The following CD40LG variants were observed in gnomAD, a reference collection of about 807,000 sequenced individuals.
CD40LG encodes CD40 antigen ligand.
CD40LG carries 1 observed loss-of-function variant against 17.2 expected under a neutral mutation model. The observed-to-expected ratio is 0.06, with a 90% CI of 0.02 to 0.28. The LOEUF (loss-of-function observed/expected upper bound fraction) is 0.28, where lower values mean the gene tolerates loss of function less well. Ranked by LOEUF, CD40LG falls within the 10% of genes least tolerant of loss-of-function variation. CD40LG has a pLI of 1.00. For missense variants in CD40LG, 133 were observed against 193.2 expected (o/e 0.69, Z 1.85); for synonymous variants, 66 against 74.4 (o/e 0.89, Z 0.58).
At chrX:136,652,121 G>C (rs936622926) in intron 2 of CD40LG, among the ~76,000 whole-genome samples, 1 of 110,689 alleles carries the variant, frequency 9.0e-6, no homozygotes, top group Non-Finnish European at 1.9e-5. Context: ...ATCTTCTCAG[G>C]CATGTCAGCC....
In CD40LG at chrX:136,659,171, G is replaced by A. The variant is rs11575982; in HGVS notation, c.542G>A (p.Arg181Gln). The change falls in exon 5 of 5, where the codon CGG becomes CAG. Residue 181 changes from arginine to glutamine, a missense_variant. By Grantham distance (43) the Arg-to-Gln change is conservative. Transcript: ENST00000370629. ...IYAQVTFCSN[R>Q]EASSQAPFIA... ...GCCCAAGTCACCTTCTGTTCCAATCGGGAAGCTTCGAGTCAAGCTCCATTT... is the reference window on the plus strand; with the variant it reads ...GCCCAAGTCACCTTCTGTTCCAATCAGGAAGCTTCGAGTCAAGCTCCATTT... The A allele has an allele frequency of 8.3e-4, 1,003 of 1,209,778 alleles. 6 individuals carry two copies. The South Asian group carries it at 0.015, about 18-fold the overall frequency.
At chrX:136,657,400 G>C (rs1179792825) in intron 4 of CD40LG, among the ~76,000 whole-genome samples, 2 of 111,583 alleles carry the variant, frequency 1.8e-5, no homozygotes, top group Non-Finnish European at 3.8e-5. Flanking sequence ...ACCACTGCTT[G>C]CTGGGTGACC....
chrX:136,658,302 C>A (rs1400705232), intron 4 of CD40LG, among the ~76,000 whole-genome samples: 1 of 112,149 alleles, frequency 8.9e-6, no homozygotes, highest in African/African-American at 3.2e-5. Context: ...GCACACACTA[C>A]TTTGAACCCA....
At chrX:136,656,556 T>C in intron 4 of CD40LG, 138 bp downstream of exon 4, 1 of 539,930 alleles carries the variant, frequency 1.9e-6, no homozygotes, top group South Asian at 2.5e-5. Context: ...TCCTATTCCC[T>C]TCTTTGTCTT....
At chrX:136,658,527 A>C (rs1163811184) in intron 4 of CD40LG, among the ~76,000 whole-genome samples, 2 of 111,978 alleles carry the variant, frequency 1.8e-5, no homozygotes, top group Non-Finnish European at 3.8e-5. Flanking sequence ...TCAGGTAGGA[A>C]GAAATGGGGT....
intron 4 of CD40LG, among the ~76,000 whole-genome samples, chrX:136,657,400 G>T (rs1179792825): frequency 3.6e-5 from 4 of 111,583 alleles, no homozygotes; most frequent in African/African-American, 6.5e-5. Flanking sequence ...ACCACTGCTT[G>T]CTGGGTGACC....
chrX:136,652,715 T>C (rs748953448), intron 2 of CD40LG, among the ~76,000 whole-genome samples: 1 of 111,402 alleles, frequency 9.0e-6, no homozygotes, highest in South Asian at 3.8e-4. Context: ...AATAGTATAA[T>C]TTCATATTAA....
chrX:136,650,350 T>A lies in CD40LG; in HGVS notation c.241T>A (p.Leu81Ile). 8.3e-7 allele frequency: 1 copy of A among 1,205,421 alleles called. No homozygotes were observed. Among genetic ancestry groups the A allele is most frequent in the Non-Finnish European group, 1.1e-6 (1 of 889,921 alleles). The change falls in exon 2 of 5, where the codon TTA becomes ATA. Residue 81 changes from leucine (L) to isoleucine (I), a missense_variant. Leu to Ile is a conservative substitution (Grantham distance 5). Coordinates refer to ENST00000370629, the MANE Select transcript of CD40LG (RefSeq NM_000074.3). ...RCNTGERSLSLLNCEEIKSQF... is the reference protein window; with the variant it reads ...RCNTGERSLSILNCEEIKSQF... Reference sequence around the variant, plus strand: ...CAACACAGGAGAAAGATCCTTATCCTTACTGAACTGTGAGGAGATTAAAAG... The same window carrying A: ...CAACACAGGAGAAAGATCCTTATCCATACTGAACTGTGAGGAGATTAAAAG...
rs1302017004 is a variant in CD40LG, at chrX:136,659,773, C to CATG, written c.*359_*361dup. 3 of 214,029 alleles carry CATG rather than the reference C, an allele frequency of 1.4e-5. No homozygotes were observed. Among genetic ancestry groups the CATG allele is most frequent in the African/African-American group, 8.8e-5 (3 of 33,928 alleles). The allele number at this position is 214,029 out of a possible 1,213,427, so 17.6% of individuals were successfully genotyped here. ...TGTTTCTTTGCGTGCAGTGTCTTTC[C>CATG]ATGGATAATGCATTTGATTTATCAG... On this transcript the variant is annotated 3_prime_UTR_variant, in exon 5 of 5. Transcript: ENST00000370629.
In CD40LG at chrX:136,648,184, C is replaced by A; in HGVS notation, c.-65C>A. On this transcript the variant is annotated 5_prime_UTR_variant, in exon 1 of 5. Coordinates refer to ENST00000370629, the MANE Select transcript of CD40LG (RefSeq NM_000074.3). ...ATCCTGAGTAAGGTGGCCACTTTGA[C>A]AGTCTTCTCATGCTGCCTCTGCCAC... 1 of 876,033 alleles carries A rather than the reference C, an allele frequency of 1.1e-6. No individual in the cohort carries two copies. The highest frequency in any genetic ancestry group is 1.7e-6 in the Non-Finnish European group (1 of 590,371). The allele number at this position is 876,033 out of a possible 1,213,427, so 72.2% of individuals were successfully genotyped here. A position where few individuals can be genotyped will look rare whatever the true frequency, so the allele number is the denominator to read the frequency against.
At chrX:136,648,465 G>T in intron 1 of CD40LG, 61 bp downstream of exon 1, 1 of 1,023,444 alleles carries the variant, frequency 9.8e-7, no homozygotes, top group Non-Finnish European at 1.4e-6. Context: ...TCATAGGTTG[G>T]TTCTACCCAA....
At position 136,659,648 on chromosome X, in the gene CD40LG, C is replaced by T. The variant is rs1333809924; in HGVS notation, c.*233C>T. 1 of 409,998 alleles carries T rather than the reference C, an allele frequency of 2.4e-6. No homozygotes were observed. Among genetic ancestry groups the T allele is most frequent in the Non-Finnish European group, 4.2e-6 (1 of 237,751 alleles). 33.8% of individuals were successfully genotyped at this position (409,998 alleles called of 1,213,427 possible). Reference sequence around the variant, plus strand: ...GAGCTTATATATCTGAAGCAGCAACCCCACTGATGCAGACATCCAGAGAGT... The same window carrying T: ...GAGCTTATATATCTGAAGCAGCAACTCCACTGATGCAGACATCCAGAGAGT... On this transcript the variant is annotated 3_prime_UTR_variant, in exon 5 of 5. Coordinates refer to ENST00000370629, the MANE Select transcript of CD40LG (RefSeq NM_000074.3).
rs1306957056 is a variant in CD40LG, at chrX:136,648,345, A to G, written c.97A>G (p.Ile33Val). ...TATGTATTTACTTACTGTTTTTCTT[A>G]TCACCCAGATGATTGGGTCAGCACT... ...IFMYLLTVFLITQMIGSALFA... is the reference protein window; with the variant it reads ...IFMYLLTVFLVTQMIGSALFA... Residue 33 changes from isoleucine (I) to valine (V), a missense_variant, in exon 1 of 5, where the codon ATC (isoleucine) becomes GTC (valine). By Grantham distance (29) the Ile-to-Val change is conservative. Coordinates refer to ENST00000370629, the MANE Select transcript of CD40LG (RefSeq NM_000074.3). 5 of 1,206,657 alleles carry G rather than the reference A, an allele frequency of 4.1e-6. No individual in the cohort carries two copies. The highest frequency in any genetic ancestry group is 1.8e-5 in the African/African-American group (1 of 57,137).
chrX:136,656,481 G>T, intron 4 of CD40LG, 63 bp downstream of exon 4: 2 of 935,496 alleles, frequency 2.1e-6, no homozygotes, highest in Non-Finnish European at 3.1e-6. Context: ...CCGAAGTCAT[G>T]TTACCTAATG....
rs374246579 is a variant in CD40LG, at chrX:136,659,229, A to C, written c.600A>C (p.Arg200Ser). The C allele has an allele frequency of 3.3e-6, 4 of 1,211,353 alleles. No individual in the cohort carries two copies. Among genetic ancestry groups the C allele is most frequent in the Non-Finnish European group, 4.5e-6 (4 of 895,038 alleles). Reference sequence around the variant, plus strand: ...GCCTCTGCCTAAAGTCCCCCGGTAGATTCGAGAGAATCTTACTCAGAGCTG... The same window carrying C: ...GCCTCTGCCTAAAGTCCCCCGGTAGCTTCGAGAGAATCTTACTCAGAGCTG... ...IASLCLKSPGRFERILLRAAN... is the reference protein window; with the variant it reads ...IASLCLKSPGSFERILLRAAN... Residue 200 changes from arginine (R) to serine (S), a missense_variant, in exon 5 of 5, where the codon AGA (arginine) becomes AGC (serine). Arg to Ser is a moderately radical substitution (Grantham distance 110, BLOSUM62 -1). Coordinates refer to ENST00000370629, the MANE Select transcript of CD40LG (RefSeq NM_000074.3).
In CD40LG at chrX:136,659,265, C is replaced by G; in HGVS notation, c.636C>G (p.His212Gln). The G allele has an allele frequency of 8.3e-7, 1 of 1,211,737 alleles. No individual in the cohort carries two copies. The highest frequency in any genetic ancestry group is 1.1e-6 in the Non-Finnish European group (1 of 895,267). Residue 212 changes from histidine (H) to glutamine (Q), a missense_variant, in exon 5 of 5, where the codon CAC (histidine) becomes CAG (glutamine). Coordinates refer to ENST00000370629, the MANE Select transcript of CD40LG (RefSeq NM_000074.3). ...TCTTACTCAGAGCTGCAAATACCCACAGTTCCGCCAAACCTTGCGGGCAAC... is the reference window on the plus strand; with the variant it reads ...TCTTACTCAGAGCTGCAAATACCCAGAGTTCCGCCAAACCTTGCGGGCAAC... ...ERILLRAANT[H>Q]SSAKPCGQQS...
At chrX:136,648,618 T>C (rs45556537) in intron 1 of CD40LG, among the ~76,000 whole-genome samples, 1 of 111,989 alleles carries the variant, frequency 8.9e-6, no homozygotes, top group African/African-American at 3.2e-5. Flanking sequence ...ATCTTGGCTC[T>C]GCCCATACCA....
intron 1 of CD40LG, 33 bp from the exon 2 acceptor site, chrX:136,650,233 G>T: frequency 1.8e-6 from 2 of 1,106,598 alleles, no homozygotes; most frequent in South Asian, 3.7e-5. Context: ...CCTTCCGAAT[G>T]ACATTTATCA....
chrX:136,653,058 G>C (rs1308548655), intron 2 of CD40LG, among the ~76,000 whole-genome samples: 1 of 111,921 alleles, frequency 8.9e-6, no homozygotes, highest in Non-Finnish European at 1.9e-5. Flanking sequence ...TCTTGGCCAG[G>C]CCTCAACACC....
Sources: allele counts gnomAD v4.1 joint callset (sites outside exome capture counted in the v4.1 genomes callset), GRCh38; gene constraint gnomAD v4.1.1; transcripts MANE v1.5; gene names NCBI Gene and HGNC (gene_info 2026-07-23, HGNC 2026-07-21).